The following KCNQ1 variants were observed in gnomAD, a reference collection of about 807,000 sequenced individuals.
KCNQ1 encodes the protein potassium voltage-gated channel subfamily KQT member 1.
Under a neutral mutation model 72.4 loss-of-function variants are expected in KCNQ1, and 49 were observed. The observed-to-expected ratio is 0.68, with a 90% CI of 0.54 to 0.86. The LOEUF (loss-of-function observed/expected upper bound fraction) is 0.86. Among genes scored for constraint, KCNQ1 ranks in the 40% least tolerant of loss-of-function variants. The pLI is 0.00. For synonymous variants in KCNQ1, 450 were observed against 412.6 expected (o/e 1.09, Z -1.10); for missense variants, 790 against 945.1 (o/e 0.84, Z 2.15).
At position 2,642,060 on chromosome 11, in the gene KCNQ1, A is replaced by G; in HGVS notation, c.1394-19901A>G. 2.5e-6 allele frequency: 1 copy of G among 398,330 alleles called. No homozygotes were observed. 24.7% of individuals were successfully genotyped at this position (398,330 alleles called of 1,614,324 possible). Reference sequence around the variant, plus strand: ...ATTTTTAAATCAGGCAGTGTGATGCATCCAACTTTGTTATTTTTGCTCAGA... The same window carrying G: ...ATTTTTAAATCAGGCAGTGTGATGCGTCCAACTTTGTTATTTTTGCTCAGA... On this transcript the variant is annotated intron_variant, in intron 10 of 15. Coordinates refer to ENST00000155840, the MANE Select transcript of KCNQ1 (RefSeq NM_000218.3). The surrounding 1 kb of genome is among the most constrained non-coding windows in gnomAD (Gnocchi z 4.3).
At chr11:2,763,550 AT>A (rs993618420) in intron 11 of KCNQ1, among the ~76,000 whole-genome samples, 4 of 152,164 alleles carry the variant, frequency 2.6e-5, no homozygotes, top group Non-Finnish European at 5.9e-5. Context: ...GATATGTTTT[AT>A]TTTCTAATTG....
intron 10 of KCNQ1, chr11:2,631,978 C>G: frequency 2.5e-6 from 1 of 396,054 alleles, no homozygotes. Flanking sequence ...GTCAGGAGAT[C>G]GAGACCATCC....
At chr11:2,675,757 T>A (rs936766937) in intron 11 of KCNQ1, 2 of 398,568 alleles carry the variant, frequency 5.0e-6, no homozygotes, top group Admixed American at 4.4e-5. Context: ...AACCAGAGAC[T>A]CACAGCACTG....
intron 2 of KCNQ1, among the ~76,000 whole-genome samples, chr11:2,554,393 C>T (rs1329753200): frequency 2.6e-5 from 4 of 152,148 alleles, no homozygotes; most frequent in African/African-American, 9.7e-5. Flanking sequence ...GTATTTGTCC[C>T]CAAGGAGCAG....
intron 10 of KCNQ1, among the ~76,000 whole-genome samples, chr11:2,597,598 A>G (rs1848750584): frequency 6.6e-6 from 1 of 152,178 alleles, no homozygotes; most frequent in Non-Finnish European, 1.5e-5. Flanking sequence ...GGGCAAATAC[A>G]ATGGTTTACA....
intron 10 of KCNQ1, chr11:2,649,171 G>T: frequency 2.5e-6 from 1 of 397,988 alleles, no homozygotes. Context: ...CATTTAGCCA[G>T]TATCTATCTT....
rs199472780 is a variant in KCNQ1, at chr11:2,588,799, C to A, written c.1338C>A (p.Asp446Glu). The A allele has an allele frequency of 6.2e-6, 10 of 1,613,166 alleles. No individual in the cohort carries two copies. Among genetic ancestry groups the A allele is most frequent in the Non-Finnish European group, 8.5e-6 (10 of 1,179,880 alleles). Reference protein sequence around the residue: ...KMLTVPHITCDPPEERRLDHF... With the variant: ...KMLTVPHITCEPPEERRLDHF... Reference sequence around the variant, plus strand: ...TCACAGTCCCCCATATCACGTGCGACCCCCCAGAAGAGCGGCGGCTGGACC... The same window carrying A: ...TCACAGTCCCCCATATCACGTGCGAACCCCCAGAAGAGCGGCGGCTGGACC... Residue 446 changes from aspartate (D) to glutamate (E), a missense_variant, in exon 10 of 16, where the codon GAC (aspartate) becomes GAA (glutamate). Physicochemically the swap from Asp to Glu is conservative, Grantham distance 45. This residue lies in a region of KCNQ1 where 178 missense variants were observed against 177.9 expected (regional missense o/e 1.00). Transcript: ENST00000155840. The surrounding 1 kb of genome is among the most constrained non-coding windows in gnomAD (Gnocchi z 5.6).
At position 2,626,596 on chromosome 11, in the gene KCNQ1, A is replaced by T. The variant is rs1849265845; in HGVS notation, c.1394-35365A>T. The T allele has an allele frequency of 2.5e-6, 1 of 398,578 alleles. No individual in the cohort carries two copies. The highest frequency in any genetic ancestry group is 4.4e-6 in the Non-Finnish European group (1 of 226,092). 24.7% of individuals were successfully genotyped at this position (398,578 alleles called of 1,614,324 possible). ...CACGCTGGAGTACAGTGGCATTATC[A>T]CTGCTTACTGCCACCTCAATCTCCC... On this transcript the variant is annotated intron_variant, in intron 10 of 15. Coordinates refer to ENST00000155840, the MANE Select transcript of KCNQ1 (RefSeq NM_000218.3). The surrounding 1 kb of genome is among the most constrained non-coding windows in gnomAD (Gnocchi z 4.0).
At chr11:2,811,495 C>T (rs985409438) in intron 15 of KCNQ1, among the ~76,000 whole-genome samples, 3 of 152,246 alleles carry the variant, frequency 2.0e-5, no homozygotes, top group African/African-American at 7.2e-5. Flanking sequence ...TCTTGAGGTT[C>T]ACTGCCCTAA....
intron 15 of KCNQ1, among the ~76,000 whole-genome samples, chr11:2,805,366 A>AT (rs1847351136): frequency 6.6e-6 from 1 of 152,194 alleles, no homozygotes; most frequent in East Asian, 1.9e-4. Context: ...GAGGGACGAC[A>AT]TTTTGCAAGT....
rs1846214099 is a variant in KCNQ1 at position 2,750,774 on chromosome 11, T to C, written c.1515-18070T>C. The stretch of plus-strand genomic sequence containing the variant: ...GGCGAAATGGGATCCCCTGGCTCTT[T>C]CACTGAAAACACTTTTCTTGTTTTC... On this transcript the variant is annotated intron_variant, in intron 11 of 15. Coordinates refer to ENST00000155840, the MANE Select transcript of KCNQ1 (RefSeq NM_000218.3). This position sits in a 1 kb window ranked among gnomAD's most constrained non-coding sequence, Gnocchi z 6.3. Among the ~76,000 whole-genome samples, 1 of 152,212 alleles carries C rather than the reference T, an allele frequency of 6.6e-6. No individual in the cohort carries two copies. The highest frequency in any genetic ancestry group is 2.1e-4 in the South Asian group (1 of 4,828).
At chr11:2,788,961 T>A (rs1846965907) in intron 15 of KCNQ1, among the ~76,000 whole-genome samples, 1 of 152,148 alleles carries the variant, frequency 6.6e-6, no homozygotes. Flanking sequence ...AGGTTGAGTC[T>A]GCTCCCAGGG....
intron 6 of KCNQ1, among the ~76,000 whole-genome samples, chr11:2,574,084 G>T (rs915655984): frequency 2.6e-5 from 4 of 152,198 alleles, no homozygotes; most frequent in African/African-American, 9.6e-5. Context: ...CTTCTAGGGG[G>T]AACACGTGGG....
intron 10 of KCNQ1, chr11:2,619,256 T>C (rs1219244892): frequency 1.3e-5 from 5 of 398,380 alleles, no homozygotes; most frequent in Non-Finnish European, 2.2e-5. Context: ...CTTGTACTGG[T>C]TCATAGTAGA....
intron 15 of KCNQ1, among the ~76,000 whole-genome samples, chr11:2,831,706 G>A (rs139146089): frequency 0.015 from 649 of 42,772 alleles, 7 homozygotes; most frequent in African/African-American, 0.051. Flanking sequence ...CCTTCTCCCC[G>A]CTGCCCTCCC....
At chr11:2,614,084 G>T in intron 10 of KCNQ1, 1 of 398,494 alleles carries the variant, frequency 2.5e-6, no homozygotes, top group South Asian at 1.3e-4. Flanking sequence ...ATGTGTAGGT[G>T]GTTTCTAGAT....
At position 2,664,605 on chromosome 11, in the gene KCNQ1, C is replaced by G. The variant is rs1442588764; in HGVS notation, c.1514+2524C>G. On this transcript the variant is annotated intron_variant, in intron 11 of 15. Transcript: ENST00000155840. This position sits in a 1 kb window ranked among gnomAD's most constrained non-coding sequence, Gnocchi z 5.1. Reference sequence around the variant, plus strand: ...GGGCTGCATTCCTCCACCTCCTGCACAGCCCGCCCAGTGATGCCCATAATT... The same window carrying G: ...GGGCTGCATTCCTCCACCTCCTGCAGAGCCCGCCCAGTGATGCCCATAATT... 2 of 398,586 alleles carry G rather than the reference C, an allele frequency of 5.0e-6. No individual in the cohort carries two copies. The highest frequency in any genetic ancestry group is 8.8e-6 in the Non-Finnish European group (2 of 226,168). 24.7% of individuals were successfully genotyped at this position (398,586 alleles called of 1,614,324 possible). A position where few individuals can be genotyped will look rare whatever the true frequency, so the allele number is the denominator to read the frequency against.
rs561035965 is a variant in KCNQ1, at chr11:2,608,017, G to T, written c.1393+19163G>T. 1.8e-4 allele frequency among the ~76,000 whole-genome samples: 28 copies of T among 152,248 alleles called. No homozygotes were observed. The highest frequency in any genetic ancestry group is 5.8e-4 in the African/African-American group (24 of 41,546). ...CATCAAGAAAGCATAAAGCACAATA[G>T]CGTGGATTTACCTAATGCCACAGAA... is the stretch of plus-strand genomic sequence containing the variant. On this transcript the variant is annotated intron_variant, in intron 10 of 15. Coordinates refer to ENST00000155840, the MANE Select transcript of KCNQ1 (RefSeq NM_000218.3). This position sits in a 1 kb window ranked among gnomAD's most constrained non-coding sequence, Gnocchi z 4.6.
At chr11:2,590,865 T>C (rs544731666) in intron 10 of KCNQ1, among the ~76,000 whole-genome samples, 1 of 152,312 alleles carries the variant, frequency 6.6e-6, no homozygotes, top group South Asian at 2.1e-4. Context: ...CCTGCCTCAG[T>C]TGTGCCAAGT....
Sources: allele counts gnomAD v4.1 joint callset (sites outside exome capture counted in the v4.1 genomes callset), GRCh38; gene constraint gnomAD v4.1.1; regional missense constraint gnomAD v4.1.1; non-coding constraint Gnocchi (gnomAD v3.1); transcripts MANE v1.5; gene names NCBI Gene and HGNC (gene_info 2026-07-23, HGNC 2026-07-21).